The following CPEB4 variants were observed in gnomAD, a reference collection of about 807,000 sequenced individuals.
CPEB4 encodes cytoplasmic polyadenylation element-binding protein 4.
In CPEB4, 12 loss-of-function variants were observed where a neutral mutation model predicts 72.5. That is an observed-to-expected ratio of 0.17 (90% CI 0.11 to 0.27). CPEB4 has a LOEUF of 0.27. CPEB4 is among the 10% of genes least tolerant of loss of function. The pLI, the probability that CPEB4 is intolerant of heterozygous loss-of-function variation, is 1.00. For synonymous variants in CPEB4, 302 were observed against 326.3 expected (o/e 0.93, Z 0.80); for missense variants, 614 against 908.5 (o/e 0.68, Z 4.17).
chr5:173,946,972 A>T (rs1479570698), intron 5 of CPEB4, among the ~76,000 whole-genome samples: 2 of 151,932 alleles, frequency 1.3e-5, no homozygotes, highest in Non-Finnish European at 1.5e-5. Context: ...CCCCAAGATA[A>T]GGGCTCACAT....
chr5:173,953,673 A>G (rs550478714), intron 9 of CPEB4, among the ~76,000 whole-genome samples: 58 of 151,234 alleles, frequency 3.8e-4, no homozygotes, highest in Middle Eastern at 3.6e-3. Flanking sequence ...ATCCTGGGAC[A>G]TAGGGAAGAC....
intron 2 of CPEB4, among the ~76,000 whole-genome samples, chr5:173,915,128 A>G (rs1297513584): frequency 6.6e-6 from 1 of 152,174 alleles, no homozygotes; most frequent in Non-Finnish European, 1.5e-5. Flanking sequence ...TGCGGTTAAA[A>G]AACTTTATTT....
At chr5:173,943,361 T>A (rs539084977) in intron 4 of CPEB4, among the ~76,000 whole-genome samples, 157 of 152,244 alleles carry the variant, frequency 1.0e-3, no homozygotes, top group African/African-American at 3.7e-3. Context: ...TAGAAAAAAA[T>A]TAAGAATCTT....
intron 2 of CPEB4, among the ~76,000 whole-genome samples, chr5:173,915,833 G>A (rs1217540746): frequency 3.3e-5 from 5 of 152,310 alleles, no homozygotes; most frequent in East Asian, 3.8e-4. Flanking sequence ...GAGTACATCT[G>A]TTTTCAGCCT....
At chr5:173,894,713 C>A (rs1447602442) in intron 1 of CPEB4, among the ~76,000 whole-genome samples, 1 of 151,638 alleles carries the variant, frequency 6.6e-6, no homozygotes, top group East Asian at 1.9e-4. Context: ...TCCTATGAAG[C>A]AGAAATTATT....
intron 2 of CPEB4, among the ~76,000 whole-genome samples, chr5:173,930,671 C>A (rs547460020): frequency 2.6e-4 from 40 of 152,104 alleles, no homozygotes; most frequent in Admixed American, 1.4e-3. Context: ...TCTTTTAAAT[C>A]CTTTCATTTG....
Position 173,950,110 on chromosome 5 carries a change from GTT to G in CPEB4, c.1665+36_1665+37del. Reference sequence around the variant, plus strand: ...GTGGTTTAGCATAAAATAGCTTCTTGTTTTTGCCTCCATTCATCTGTTATATT... The same window carrying G: ...GTGGTTTAGCATAAAATAGCTTCTTGTTTGCCTCCATTCATCTGTTATATT... On this transcript the variant is annotated intron_variant, in intron 7 of 9. Coordinates refer to ENST00000265085, the MANE Select transcript of CPEB4 (RefSeq NM_030627.4). The surrounding 1 kb of genome is among the most constrained non-coding windows in gnomAD (Gnocchi z 5.0). The G allele has an allele frequency of 7.5e-7, 1 of 1,327,210 alleles. No individual in the cohort carries two copies. Among genetic ancestry groups the G allele is most frequent in the Non-Finnish European group, 1.1e-6 (1 of 939,286 alleles). 82.2% of individuals were successfully genotyped at this position (1,327,210 alleles called of 1,614,324 possible). A position where few individuals can be genotyped will look rare whatever the true frequency, so the allele number is the denominator to read the frequency against.
rs1758145994 is a variant in CPEB4 at position 173,949,528 on chromosome 5, C to T, written c.1477C>T (p.Arg493Cys). 2.5e-6 allele frequency: 4 copies of T among 1,612,634 alleles called. No homozygotes were observed. The highest frequency in any genetic ancestry group is 1.6e-4 in the Middle Eastern group (1 of 6,080). The change falls in exon 6 of 10, where the codon CGT (arginine) becomes TGT (cysteine). Residue 493 changes from arginine (R) to cysteine (C), a missense_variant. Physicochemically the swap from Arg to Cys is radical, Grantham distance 180. Around this residue, in one of 5 missense-constraint regions of CPEB4, gnomAD observed 25 missense variants for 68.9 expected, o/e 0.36. Transcript: ENST00000265085. ...IDEDEITASFRRFGPLIVDWP... is the reference protein window; with the variant it reads ...IDEDEITASFCRFGPLIVDWP... The stretch of plus-strand genomic sequence containing the variant: ...ATTAGATGAGATCACAGCTAGTTTT[C>T]GTCGCTTTGGCCCTCTGATTGTGGA...
chr5:173,939,282 C>T (rs888935903), intron 3 of CPEB4, among the ~76,000 whole-genome samples: 9 of 152,100 alleles, frequency 5.9e-5, no homozygotes, highest in South Asian at 2.1e-4. Context: ...GGTACATGAA[C>T]GTGAGCCACA....
At chr5:173,911,692 T>G (rs1756667739) in intron 2 of CPEB4, among the ~76,000 whole-genome samples, 1 of 151,176 alleles carries the variant, frequency 6.6e-6, no homozygotes, top group Non-Finnish European at 1.5e-5. Flanking sequence ...TTTTTTTTTT[T>G]TTTTTTTTTT....
At chr5:173,954,758 T>C (rs1758324505) in intron 9 of CPEB4, among the ~76,000 whole-genome samples, 1 of 152,120 alleles carries the variant, frequency 6.6e-6, no homozygotes, top group East Asian at 1.9e-4. Context: ...GTGGGATTGG[T>C]CATTAGAAAT....
intron 2 of CPEB4, among the ~76,000 whole-genome samples, chr5:173,931,990 C>T (rs1310866772): frequency 1.3e-5 from 2 of 152,206 alleles, no homozygotes; most frequent in African/African-American, 4.8e-5. Context: ...CTTCTTCCCT[C>T]TGAGAATATT....
In CPEB4 at chr5:173,957,817, G is replaced by A. The variant is rs539708201; in HGVS notation, c.*1680G>A. The A allele has an allele frequency of 6.5e-6, 1 of 152,854 alleles. No homozygotes were observed. Among genetic ancestry groups the A allele is most frequent in the Admixed American group, 6.5e-5 (1 of 15,282 alleles). The allele number at this position is 152,854 out of a possible 1,614,324, so 9.5% of individuals were successfully genotyped here. ...TTATGACCCCTATGGATGATCTTTA[G>A]GAAAAGCAGCCCTTTACTTTTAATA... On this transcript the variant is annotated 3_prime_UTR_variant, in exon 10 of 10. Transcript: ENST00000265085.
intron 2 of CPEB4, among the ~76,000 whole-genome samples, chr5:173,930,114 G>A (rs889294284): frequency 6.6e-6 from 1 of 151,660 alleles, no homozygotes; most frequent in Non-Finnish European, 1.5e-5. Flanking sequence ...GAGAGCAGTG[G>A]CGAGATCTCA....
intron 1 of CPEB4, chr5:173,891,570 A>G (rs937485284): frequency 4.6e-5 from 7 of 152,158 alleles, no homozygotes; most frequent in Non-Finnish European, 7.4e-5. Flanking sequence ...TTATTTTCCA[A>G]TGTTAACATT....
chr5:173,933,755 C>G (rs1041228932), intron 3 of CPEB4, among the ~76,000 whole-genome samples: 31 of 152,290 alleles, frequency 2.0e-4, no homozygotes, highest in African/African-American at 7.0e-4. Context: ...ACTGTGTCAT[C>G]TTAGGCAAAG....
intron 1 of CPEB4, among the ~76,000 whole-genome samples, chr5:173,897,830 C>A (rs1756075551): frequency 6.6e-6 from 1 of 151,884 alleles, no homozygotes; most frequent in South Asian, 2.1e-4. Flanking sequence ...GTGTAATTAT[C>A]AATTATAAAT....
chr5:173,913,355 G>A (rs4867733), intron 2 of CPEB4, among the ~76,000 whole-genome samples: 22,669 of 151,916 alleles, frequency 0.15, 1,803 homozygotes, highest in Non-Finnish European at 0.16. Flanking sequence ...CTGCCACCAC[G>A]CCTGGCTAAT....
In CPEB4 at chr5:173,890,546, G is replaced by T. The variant is rs1755772523; in HGVS notation, c.813G>T (p.Leu271=). The T allele has an allele frequency of 6.2e-7, 1 of 1,614,046 alleles. No individual in the cohort carries two copies. The highest frequency in any genetic ancestry group is 8.5e-7 in the Non-Finnish European group (1 of 1,180,012). The change falls in exon 1 of 10, where the codon CTG becomes CTT. Residue 271 remains leucine, a synonymous_variant. Transcript: ENST00000265085. ...FTHRNAAFNQ[L]PHLANNLNKP... ...ATAGAAATGCTGCTTTTAACCAGCT[G>T]CCTCATTTGGCGAATAATCTTAACA...
Sources: gnomAD v4.1 joint callset for allele counts (sites outside exome capture counted in the v4.1 genomes callset) on GRCh38, gnomAD v4.1.1 for gene constraint, gnomAD v4.1.1 regional missense constraint, Gnocchi (gnomAD v3.1) non-coding constraint, MANE v1.5 for transcripts, NCBI Gene and HGNC (gene_info 2026-07-23, HGNC 2026-07-21) for gene names.